The following MED13L variants were observed in gnomAD, a reference collection of about 807,000 sequenced individuals.
MED13L encodes the protein mediator of RNA polymerase II transcription subunit 13-like.
In MED13L, 7 loss-of-function variants were observed where a neutral mutation model predicts 220.9. That is an observed-to-expected ratio of 0.03 (90% CI 0.02 to 0.06). The LOEUF is 0.06. MED13L is among the 10% of genes least tolerant of loss of function. The pLI is 1.00. For missense variants in MED13L, 1,965 were observed against 2,760.5 expected, an observed-to-expected ratio of 0.71 and a Z score of 6.46; for synonymous variants, 1,011 against 1,015.2, an observed-to-expected ratio of 1.00 and a Z score of 0.08.
At chr12:116,158,206 G>A in intron 2 of MED13L, among the ~76,000 whole-genome samples, 1 of 151,340 alleles carries the variant, frequency 6.6e-6, no homozygotes, top group East Asian at 1.9e-4. Context: ...TCTACATACT[G>A]CAAGACAAGG....
At chr12:116,267,706 G>A (rs1205222291) in intron 1 of MED13L, among the ~76,000 whole-genome samples, 1 of 152,104 alleles carries the variant, frequency 6.6e-6, no homozygotes, top group African/African-American at 2.4e-5. Context: ...TTTGAATGTT[G>A]AACAAAAGCA....
chr12:115,998,676 T>C (rs141009325), intron 14 of MED13L, among the ~76,000 whole-genome samples: 132 of 152,350 alleles, frequency 8.7e-4, no homozygotes, highest in Non-Finnish European at 1.4e-3. Context: ...ACATAATCTT[T>C]ACCGTGTTTC....
chr12:116,084,313 T>C (rs79811718), intron 4 of MED13L, among the ~76,000 whole-genome samples: 3,265 of 152,308 alleles, frequency 0.021, 61 homozygotes, highest in Middle Eastern at 0.054. Flanking sequence ...ACAGTACATA[T>C]TCATTCTACT....
chr12:116,177,019 T>C (rs1880121368), intron 2 of MED13L, among the ~76,000 whole-genome samples: 1 of 152,180 alleles, frequency 6.6e-6, no homozygotes, highest in African/African-American at 2.4e-5. Flanking sequence ...TATTGCATTT[T>C]TGTTAATTGG....
At chr12:116,111,643 G>A in intron 2 of MED13L, 131 bp from the exon 3 acceptor site, 1 of 695,178 alleles carries the variant, frequency 1.4e-6, no homozygotes. Flanking sequence ...ATCTCACGCT[G>A]AAACAGAGAG....
At chr12:116,258,966 T>C (rs1366535358) in intron 1 of MED13L, among the ~76,000 whole-genome samples, 1 of 150,586 alleles carries the variant, frequency 6.6e-6, no homozygotes, top group African/African-American at 2.4e-5. Flanking sequence ...GTAAGTTCCA[T>C]TACAGGCAGG....
intron 2 of MED13L, among the ~76,000 whole-genome samples, chr12:116,136,917 G>GA (rs1294099145): frequency 6.6e-6 from 1 of 152,136 alleles, no homozygotes; most frequent in Non-Finnish European, 1.5e-5. Flanking sequence ...GATCCTAGGT[G>GA]AACCACACCA....
intron 3 of MED13L, among the ~76,000 whole-genome samples, chr12:116,104,930 GAAAAACTCTTTTAAGTTTTTGAACTGCAC>G (rs1051659416): frequency 1.6e-4 from 25 of 152,260 alleles, no homozygotes; most frequent in African/African-American, 6.0e-4. Context: ...GAAGCAATAA[GAAAAACTCTTTTAAGTTTTTGAACTGCAC>G]ATATTTTCCG....
intron 28 of MED13L, among the ~76,000 whole-genome samples, chr12:115,967,277 A>C (rs1416368229): frequency 1.3e-5 from 2 of 152,016 alleles, no homozygotes; most frequent in Non-Finnish European, 1.5e-5. Context: ...AAAATAAAAA[A>C]TTTACTGCCA....
chr12:116,166,729 T>G (rs915464552), intron 2 of MED13L, among the ~76,000 whole-genome samples: 1 of 152,218 alleles, frequency 6.6e-6, no homozygotes. Context: ...CCTCCTACCC[T>G]GCCAATAACC....
chr12:116,259,426 A>G (rs1872328982), intron 1 of MED13L, among the ~76,000 whole-genome samples: 1 of 152,230 alleles, frequency 6.6e-6, no homozygotes, highest in Admixed American at 6.5e-5. Context: ...ATTCAATATT[A>G]AAAGTCCAAA....
intron 2 of MED13L, among the ~76,000 whole-genome samples, chr12:116,145,689 A>G (rs67045310): frequency 0.099 from 13,577 of 136,716 alleles, 727 homozygotes; most frequent in East Asian, 0.23. Flanking sequence ...TTATTTATTT[A>G]TTTATTTATT....
Position 116,276,589 on chromosome 12 carries a change from G to A in MED13L, c.72+471C>T, listed in dbSNP as rs1367047313. 4.1e-6 allele frequency: 5 copies of A among 1,215,330 alleles called. No individual in the cohort carries two copies. The South Asian group carries it at 4.2e-5, about 10-fold the overall frequency. 75.3% of individuals were successfully genotyped at this position (1,215,330 alleles called of 1,614,324 possible). A position where few individuals can be genotyped will look rare whatever the true frequency, so the allele number is the denominator to read the frequency against. On this transcript the variant is annotated intron_variant, in intron 1 of 30. Coordinates refer to ENST00000281928, the MANE Select transcript of MED13L (RefSeq NM_015335.5). ...ACTATTTTAGGGCGAAATTGCAGGT[G>A]TCATTATGGAATTTAAAAAAATTCA...
intron 4 of MED13L, among the ~76,000 whole-genome samples, chr12:116,045,191 A>C (rs1219478275): frequency 1.3e-5 from 2 of 152,230 alleles, no homozygotes; most frequent in Non-Finnish European, 2.9e-5. Context: ...TTCAGTATAG[A>C]ATAATGTTCA....
chr12:116,074,520 T>G (rs1870631620), intron 4 of MED13L, among the ~76,000 whole-genome samples: 1 of 152,180 alleles, frequency 6.6e-6, no homozygotes, highest in Non-Finnish European at 1.5e-5. Context: ...GGGGAAAAAA[T>G]GACACTTTTT....
At chr12:116,030,510 TAAA>T (rs1880674426) in intron 4 of MED13L, among the ~76,000 whole-genome samples, 1 of 151,778 alleles carries the variant, frequency 6.6e-6, no homozygotes, top group Non-Finnish European at 1.5e-5. Context: ...GTAAACACAA[TAAA>T]ACGGAAGGAA....
chr12:115,979,973 T>G (rs1877211167), intron 23 of MED13L, among the ~76,000 whole-genome samples: 1 of 152,196 alleles, frequency 6.6e-6, no homozygotes, highest in Admixed American at 6.5e-5. Flanking sequence ...AATGCATTCA[T>G]TTATATACGG....
chr12:116,132,355 T>C (rs1876147587), intron 2 of MED13L, among the ~76,000 whole-genome samples: 1 of 151,902 alleles, frequency 6.6e-6, no homozygotes. Context: ...CTCTGGGACC[T>C]GCCACATGTA....
At chr12:116,125,301 CTCAATCAA>C (rs1000386453) in intron 2 of MED13L, among the ~76,000 whole-genome samples, 3 of 152,136 alleles carry the variant, frequency 2.0e-5, no homozygotes, top group Non-Finnish European at 2.9e-5. Context: ...GTGATCCCAT[CTCAATCAA>C]TCAATCAATC....
Sources: allele counts gnomAD v4.1 joint callset (sites outside exome capture counted in the v4.1 genomes callset), GRCh38; gene constraint gnomAD v4.1.1; transcripts MANE v1.5; gene names NCBI Gene and HGNC (gene_info 2026-07-23, HGNC 2026-07-21).